Variants in POMT2 observed in about 807,000 individuals in gnomAD.
The protein encoded by POMT2 is protein O-mannosyltransferase 2.
POMT2 carries 75 observed loss-of-function variants against 100.0 expected under a neutral mutation model. That is an observed-to-expected ratio of 0.75 (90% CI 0.62 to 0.91). POMT2 has a LOEUF of 0.91. Among genes scored for constraint, POMT2 ranks in the 40% least tolerant of loss-of-function variants. POMT2 has a pLI of 0.00. For missense variants in POMT2, 940 were observed against 955.1 expected (o/e 0.98, Z 0.21); for synonymous variants, 378 against 374.1 (o/e 1.01, Z -0.12).
chr14:77,301,289 A>G (rs371766874), intron 5 of POMT2, 40 bp from the exon 6 acceptor site: 1 of 1,612,086 alleles, frequency 6.2e-7, no homozygotes, highest in African/African-American at 1.3e-5. Flanking sequence ...GGCAGCTGGA[A>G]CCAAAGCCAA....
chr14:77,293,165 C>T lies in POMT2; in HGVS notation c.1117-1785G>A, dbSNP rs72681228. Among the ~76,000 whole-genome samples the T allele has an allele frequency of 6.3e-3, 957 of 152,280 alleles. 6 individuals are homozygous for T. Among genetic ancestry groups the T allele is most frequent in the Non-Finnish European group, 9.1e-3 (619 of 68,028 alleles). Reference sequence around the variant, plus strand: ...GCTCATAAAGAAATTAAAATGAAGTCTACATTCCTGAGAAAAAGCTCGATA... The same window carrying T: ...GCTCATAAAGAAATTAAAATGAAGTTTACATTCCTGAGAAAAAGCTCGATA... On this transcript the variant is annotated intron_variant, in intron 9 of 20. Coordinates refer to ENST00000261534, the MANE Select transcript of POMT2 (RefSeq NM_013382.7).
intron 8 of POMT2, 65 bp downstream of exon 8, chr14:77,298,624 T>C (rs967697194): frequency 1.3e-6 from 2 of 1,563,498 alleles, no homozygotes; most frequent in Non-Finnish European, 1.8e-6. Context: ...ATATTTGTCT[T>C]TTCCAATTCA....
chr14:77,279,995 T>G, intron 17 of POMT2, 26 bp downstream of exon 17: 1 of 1,614,114 alleles, frequency 6.2e-7, no homozygotes, highest in South Asian at 1.1e-5. Flanking sequence ...CTCCAGGGCC[T>G]GAGCCGGGAA....
At chr14:77,296,671 C>T (rs1890843626) in intron 8 of POMT2, among the ~76,000 whole-genome samples, 1 of 152,146 alleles carries the variant, frequency 6.6e-6, no homozygotes. Context: ...TTTTTTCACT[C>T]TATATCCTTT....
chr14:77,318,480 C>A (rs146674606), intron 1 of POMT2, among the ~76,000 whole-genome samples: 1 of 152,170 alleles, frequency 6.6e-6, no homozygotes, highest in African/African-American at 2.4e-5. Flanking sequence ...TCTATCAATG[C>A]GGCTGATACA....
At position 77,277,417 on chromosome 14, in the gene POMT2, G is replaced by C. The variant is rs754150493; in HGVS notation, c.2212C>G (p.Pro738Ala). ...VGPLAQDPQSPMAGLRWLDSW... is the reference protein window; with the variant it reads ...VGPLAQDPQSAMAGLRWLDSW... ...TCCAGCCACCTTAGTCCTGCCATTG[G>C]ACTTTGGGGGTCCTGGGCCAGGGGA... Residue 738 changes from proline (P) to alanine (A), a missense_variant, in exon 21 of 21, where the codon CCA becomes GCA. Coordinates refer to ENST00000261534, the MANE Select transcript of POMT2 (RefSeq NM_013382.7). 6 of 1,614,158 alleles carry C rather than the reference G, an allele frequency of 3.7e-6. No individual in the cohort carries two copies. The highest frequency in any genetic ancestry group is 4.2e-6 in the Non-Finnish European group (5 of 1,179,962).
intron 5 of POMT2, 31 bp downstream of exon 5, chr14:77,302,804 A>G: frequency 1.3e-6 from 2 of 1,569,254 alleles, no homozygotes; most frequent in Non-Finnish European, 1.8e-6. Context: ...ACAGCTTCCA[A>G]CCCTCCCCTC....
intron 11 of POMT2, chr14:77,287,184 C>T (rs28501983): frequency 6.1e-6 from 2 of 328,656 alleles, no homozygotes; most frequent in Non-Finnish European, 1.2e-5. Context: ...AAAATTAAAA[C>T]TTGTAATCTG....
chr14:77,302,177 G>A (rs538894938), intron 5 of POMT2, among the ~76,000 whole-genome samples: 1 of 152,308 alleles, frequency 6.6e-6, no homozygotes, highest in African/African-American at 2.4e-5. Context: ...CTTCTGGTTT[G>A]AATAGAATGA....
intron 14 of POMT2, chr14:77,284,202 C>T (rs1021368276): frequency 2.1e-5 from 8 of 380,068 alleles, no homozygotes; most frequent in Non-Finnish European, 4.0e-5. Flanking sequence ...GCACAGCCCC[C>T]GAGTCACTGT....
At chr14:77,290,417 C>T (rs766342423) in intron 10 of POMT2, among the ~76,000 whole-genome samples, 12 of 152,182 alleles carry the variant, frequency 7.9e-5, no homozygotes, top group South Asian at 6.2e-4. Context: ...TGGTTGTATA[C>T]GCCACGTTTC....
At chr14:77,285,276 G>C in intron 13 of POMT2, 2 of 741,328 alleles carry the variant, frequency 2.7e-6, no homozygotes, top group Non-Finnish European at 4.4e-6. Flanking sequence ...TGAAAATGTT[G>C]AACTATCAGA....
chr14:77,277,273 G>C lies in POMT2; in HGVS notation c.*103C>G, dbSNP rs886050825. On this transcript the variant is annotated 3_prime_UTR_variant, in exon 21 of 21. Transcript: ENST00000261534. ...GTCCTGGTGAGCAGCAGAATTCTTC[G>C]GGCTCCTTAGGCAGCTTCCTCATGG... The C allele has an allele frequency of 3.1e-6, 3 of 982,204 alleles. No individual in the cohort carries two copies. The highest frequency in any genetic ancestry group is 3.2e-5 in the African/African-American group (2 of 62,466). The allele number at this position is 982,204 out of a possible 1,614,324, so 60.8% of individuals were successfully genotyped here. A position where few individuals can be genotyped will look rare whatever the true frequency, so the allele number is the denominator to read the frequency against.
At chr14:77,314,441 G>A (rs8008449) in intron 1 of POMT2, among the ~76,000 whole-genome samples, 45,874 of 152,034 alleles carry the variant, frequency 0.3, 7,128 homozygotes, top group East Asian at 0.43. Context: ...CTGTCAGCAT[G>A]CAAAAAACAG....
chr14:77,303,272 G>A (rs375105326), intron 4 of POMT2, among the ~76,000 whole-genome samples: 41 of 151,194 alleles, frequency 2.7e-4, no homozygotes, highest in African/African-American at 9.5e-4. Context: ...CTACCACTCT[G>A]CTCATGTAAC....
Position 77,302,184 on chromosome 14 carries a change from A to G in POMT2, c.656+651T>C, listed in dbSNP as rs142537450. Among the ~76,000 whole-genome samples the G allele has an allele frequency of 6.1e-3, 925 of 152,308 alleles. 10 individuals are homozygous for G. The highest frequency in any genetic ancestry group is 0.021 in the African/African-American group (878 of 41,568). On this transcript the variant is annotated intron_variant, in intron 5 of 20. Transcript: ENST00000261534. ...GGCCAACTCTTCTGGTTTGAATAGAATGAATGACTTATTCTACTTTCTCAG... is the reference window on the plus strand; with the variant it reads ...GGCCAACTCTTCTGGTTTGAATAGAGTGAATGACTTATTCTACTTTCTCAG...
chr14:77,279,986 T>C (rs200911512), intron 17 of POMT2, 35 bp downstream of exon 17: 15 of 1,614,094 alleles, frequency 9.3e-6, no homozygotes, highest in Non-Finnish European at 1.2e-5. Flanking sequence ...GGGCAAGTGC[T>C]CCAGGGCCTG....
chr14:77,290,381 C>G (rs773160179), intron 10 of POMT2, among the ~76,000 whole-genome samples: 1 of 152,170 alleles, frequency 6.6e-6, no homozygotes, highest in African/African-American at 2.4e-5. Flanking sequence ...CGTAATTTAT[C>G]CCACTAAGGA....
chr14:77,285,876 A>G (rs1890411951), intron 12 of POMT2, among the ~76,000 whole-genome samples: 1 of 152,214 alleles, frequency 6.6e-6, no homozygotes, highest in South Asian at 2.1e-4. Context: ...CCAGAAGTCC[A>G]GGAGTCCAAC....
Sources: gnomAD v4.1 joint callset for allele counts (sites outside exome capture counted in the v4.1 genomes callset) on GRCh38, gnomAD v4.1.1 for gene constraint, MANE v1.5 for transcripts, NCBI Gene and HGNC (gene_info 2026-07-23, HGNC 2026-07-21) for gene names.